MID1: variants seen among roughly 807,000 people sequenced by gnomAD.
MID1 encodes E3 ubiquitin-protein ligase Midline-1.
A neutral mutation model predicts 40.4 loss-of-function variants in MID1; 7 were observed. That is an observed-to-expected ratio of 0.17 (90% CI 0.10 to 0.33). MID1 has a LOEUF of 0.33. Ranked by LOEUF, MID1 falls within the 10% of genes least tolerant of loss-of-function variation. The pLI is 1.00. For missense variants in MID1, 367 were observed against 558.5 expected (o/e 0.66, Z 3.46); for synonymous variants, 229 against 221.2 (o/e 1.04, Z -0.31).
chrX:10,690,421 A>G (rs2043125226), intron 1 of MID1, among the ~76,000 whole-genome samples: 1 of 112,422 alleles, frequency 8.9e-6, no homozygotes, highest in Non-Finnish European at 1.9e-5. Context: ...AGAGATTTGC[A>G]CTTTGTGACA....
chrX:10,819,968 T>C (rs1438728402), intron 1 of MID1, among the ~76,000 whole-genome samples: 1 of 111,931 alleles, frequency 8.9e-6, no homozygotes, highest in Non-Finnish European at 1.9e-5. Flanking sequence ...CCTTCTCAAA[T>C]CTGGGATCAT....
chrX:10,785,591 A>T (rs2043876667), intron 1 of MID1, among the ~76,000 whole-genome samples: 1 of 111,612 alleles, frequency 9.0e-6, no homozygotes, highest in South Asian at 3.8e-4. Flanking sequence ...AGCAACCAAA[A>T]CAGCATGGTA....
At position 10,649,488 on chromosome X, in the gene MID1, C is replaced by T. The variant is rs189864982; in HGVS notation, c.-186-29069G>A. 3.6e-3 allele frequency among the ~76,000 whole-genome samples: 399 copies of T among 112,029 alleles called. 5 individuals are homozygous for T. The highest frequency in any genetic ancestry group is 0.012 in the African/African-American group (381 of 30,859). ...TGTGAGCAAGCAAAATGTGTGTGCC[C>T]ACTAACGTCAGCATGGTTTTCGTTT... On this transcript the variant is annotated intron_variant, in intron 1 of 10. Transcript: ENST00000380785.
At chrX:10,595,698 C>T (rs1935398259) in intron 1 of MID1, among the ~76,000 whole-genome samples, 1 of 111,086 alleles carries the variant, frequency 9.0e-6, no homozygotes, top group African/African-American at 3.3e-5. Context: ...AGAGATTGGT[C>T]AATAGGTACA....
chrX:10,831,355 G>A (rs1033833398), intron 1 of MID1, among the ~76,000 whole-genome samples: 1 of 111,978 alleles, frequency 8.9e-6, no homozygotes, highest in African/African-American at 3.3e-5. Context: ...TTAAGGCTCT[G>A]AGAAGACCTA....
rs896876862 is a variant in MID1 at position 10,745,951 on chromosome X, T to C, written c.-187+87603A>G. Among the ~76,000 whole-genome samples the C allele has an allele frequency of 3.6e-5, 4 of 112,392 alleles. No homozygotes were observed. The South Asian group carries it at 1.1e-3, about 31-fold the overall frequency. On this transcript the variant is annotated intron_variant, in intron 1 of 10. Coordinates refer to the MID1 transcript ENST00000380785. ...TGTTACAACCACGGTTCTTGTGATGTTCAGAGTCTGTTCACCGAAACAGAC... is the reference window on the plus strand; with the variant it reads ...TGTTACAACCACGGTTCTTGTGATGCTCAGAGTCTGTTCACCGAAACAGAC...
At chrX:10,706,345 T>A (rs2043231407) in intron 1 of MID1, among the ~76,000 whole-genome samples, 1 of 110,733 alleles carries the variant, frequency 9.0e-6, no homozygotes, top group Admixed American at 9.6e-5. Flanking sequence ...GTAAAAATAA[T>A]CATAGTTGAT....
At chrX:10,543,829 C>A (rs1454304251) in intron 2 of MID1, among the ~76,000 whole-genome samples, 2 of 107,156 alleles carry the variant, frequency 1.9e-5, no homozygotes, top group South Asian at 4.2e-4. Flanking sequence ...GGTGACAGAG[C>A]GAGACTCTGT....
intron 1 of MID1, among the ~76,000 whole-genome samples, chrX:10,658,636 AG>A (rs780485970): frequency 3.6e-5 from 4 of 109,826 alleles, no homozygotes; most frequent in South Asian, 4.0e-4. Flanking sequence ...CCTATGATAG[AG>A]GACTCGAAGT....
chrX:10,461,546 T>C (rs1569270778), intron 7 of MID1, among the ~76,000 whole-genome samples: 1 of 111,642 alleles, frequency 9.0e-6, no homozygotes, highest in Non-Finnish European at 1.9e-5. Context: ...AACTCCATAC[T>C]TCTGGATAAT....
intron 1 of MID1, chrX:10,582,808 AAG>A (rs1335810290): frequency 8.1e-4 from 91 of 112,254 alleles, no homozygotes; most frequent in African/African-American, 2.8e-3. Flanking sequence ...AGCTAATTTT[AAG>A]AGTTTGGTGC....
At chrX:10,588,790 C>T (rs868092227) in intron 1 of MID1, among the ~76,000 whole-genome samples, 3 of 110,863 alleles carry the variant, frequency 2.7e-5, no homozygotes, top group Admixed American at 9.6e-5. Flanking sequence ...TGTCTCTGTA[C>T]GGAAACTGGT....
chrX:10,529,136 G>GCT (rs1932894313), intron 2 of MID1, among the ~76,000 whole-genome samples: 1 of 111,373 alleles, frequency 9.0e-6, no homozygotes, highest in African/African-American at 3.3e-5. Flanking sequence ...TAAAAAACTT[G>GCT]TTTTTCAAGT....
rs1928564291 is a variant in MID1 at position 10,454,969 on chromosome X, G to T, written c.1556C>A (p.Pro519His). The T allele has an allele frequency of 8.3e-7, 1 of 1,207,222 alleles. No individual in the cohort carries two copies. Among genetic ancestry groups the T allele is most frequent in the Non-Finnish European group, 1.1e-6 (1 of 892,755 alleles). The change falls in exon 9 of 10, where the codon CCT (proline) becomes CAT (histidine). Residue 519 changes from proline (P) to histidine (H), a missense_variant. Physicochemically the swap from Pro to His is moderately conservative, Grantham distance 77. Transcript: ENST00000317552. ...GCTCCCCTGGCTGGTGAAGCGTTCA[G>T]GTGTGTGACTCTTCTTGGATGATGA... ...DESSSKKSHT[P>H]ERFTSQGSYG...
chrX:10,669,256 A>AG (rs2042973584), intron 1 of MID1, among the ~76,000 whole-genome samples: 1 of 104,377 alleles, frequency 9.6e-6, no homozygotes, highest in African/African-American at 3.5e-5. Flanking sequence ...AAAAAAAAAA[A>AG]GAAATCTAGG....
rs758511551 is a variant in MID1 at position 10,706,638 on chromosome X, C to T, written c.-186-86219G>A. 3.4e-4 allele frequency among the ~76,000 whole-genome samples: 38 copies of T among 111,495 alleles called. No homozygotes were observed. The South Asian group carries it at 0.015, about 43-fold the overall frequency. On this transcript the variant is annotated intron_variant, in intron 1 of 10. Coordinates refer to the MID1 transcript ENST00000380785. ...TTTCCTCAGGCCTCCCCCAGCTATG[C>T]TGAACTGTGAGTCAATTAAACCTAT...
intron 1 of MID1, among the ~76,000 whole-genome samples, chrX:10,639,513 G>A (rs1265100290): frequency 3.6e-5 from 4 of 112,192 alleles, no homozygotes; most frequent in African/African-American, 1.3e-4. Flanking sequence ...ATGGCACTAT[G>A]TGAAAAGACC....
intron 1 of MID1, among the ~76,000 whole-genome samples, chrX:10,585,748 T>C (rs1376576192): frequency 1.8e-5 from 2 of 111,266 alleles, no homozygotes; most frequent in African/African-American, 3.3e-5. Flanking sequence ...TTTATCCAAG[T>C]AGCCTAAATG....
intron 3 of MID1, among the ~76,000 whole-genome samples, chrX:10,498,938 C>CAT (rs762377592): frequency 1.8e-5 from 2 of 111,208 alleles, no homozygotes; most frequent in Non-Finnish European, 3.8e-5. Flanking sequence ...TTTGTGTGCC[C>CAT]ATATATATTC....
Sources: gnomAD v4.1 joint callset for allele counts (sites outside exome capture counted in the v4.1 genomes callset) on GRCh38, gnomAD v4.1.1 for gene constraint, MANE v1.5 for transcripts, NCBI Gene and HGNC (gene_info 2026-07-23, HGNC 2026-07-21) for gene names.